DMD: variants seen among roughly 807,000 people sequenced by gnomAD.
DMD encodes the protein mutant dystrophin.
Under a neutral mutation model 330.1 loss-of-function variants are expected in DMD, and 63 were observed. The ratio of observed to expected loss-of-function variants is 0.19; its 90% CI spans 0.16 to 0.24. The LOEUF (loss-of-function observed/expected upper bound fraction) is 0.24, where lower values mean the gene tolerates loss of function less well. DMD is among the 10% of genes least tolerant of loss of function. The probability of loss-of-function intolerance (pLI) is 1.00; values close to 1 mark genes in which losing one functional copy is unlikely to be tolerated. For synonymous variants in DMD, 1,223 were observed against 959.8 expected, an observed-to-expected ratio of 1.27 and a Z score of -5.07; for missense variants, 3,344 against 2,684.1, an observed-to-expected ratio of 1.25 and a Z score of -5.43.
At chrX:31,959,891 T>C (rs1380327518) in intron 45 of DMD, among the ~76,000 whole-genome samples, 1 of 105,612 alleles carries the variant, frequency 9.5e-6, no homozygotes, top group Non-Finnish European at 1.9e-5. Context: ...CAGACTCCCA[T>C]GTAGCTGGGA....
At chrX:32,904,879 AAT>A (rs2086601614) in intron 2 of DMD, among the ~76,000 whole-genome samples, 1 of 112,060 alleles carries the variant, frequency 8.9e-6, no homozygotes, top group South Asian at 3.7e-4. Context: ...CTCAGCCCAT[AAT>A]GTTTTAATGG....
intron 44 of DMD, among the ~76,000 whole-genome samples, chrX:31,975,069 C>T (rs775898397): frequency 1.2e-4 from 13 of 110,137 alleles, no homozygotes; most frequent in African/African-American, 4.3e-4. Flanking sequence ...TCACGTGCTC[C>T]TCAATTTCAA....
chrX:32,456,021 G>C (rs1452464463), intron 25 of DMD, among the ~76,000 whole-genome samples: 1 of 110,893 alleles, frequency 9.0e-6, no homozygotes, highest in East Asian at 2.8e-4. Context: ...ACTTTAAAAA[G>C]TAACTCTATT....
chrX:32,382,408 C>T (rs1034511019), intron 33 of DMD, among the ~76,000 whole-genome samples: 3 of 110,813 alleles, frequency 2.7e-5, no homozygotes, highest in African/African-American at 9.8e-5. Flanking sequence ...AAATAAGAAT[C>T]TATCTATAAG....
intron 2 of DMD, among the ~76,000 whole-genome samples, chrX:32,908,850 T>A (rs2086951822): frequency 1.8e-5 from 2 of 111,528 alleles, no homozygotes; most frequent in South Asian, 7.4e-4. Flanking sequence ...TATGTGAACC[T>A]ATGCTGGTTA....
intron 19 of DMD, among the ~76,000 whole-genome samples, chrX:32,495,524 C>T (rs185381966): frequency 2.6e-4 from 29 of 111,662 alleles, no homozygotes; most frequent in African/African-American, 8.4e-4. Context: ...CCGACACTGT[C>T]ACATTACTTA....
At chrX:32,963,812 A>C (rs922334290) in intron 2 of DMD, among the ~76,000 whole-genome samples, 2 of 111,689 alleles carry the variant, frequency 1.8e-5, no homozygotes, top group African/African-American at 6.5e-5. Context: ...AATGTAAAGG[A>C]GGCTTCCATC....
intron 50 of DMD, among the ~76,000 whole-genome samples, chrX:31,776,081 G>C (rs1227064365): frequency 8.9e-6 from 1 of 111,864 alleles, no homozygotes; most frequent in Non-Finnish European, 1.9e-5. Flanking sequence ...CAGTCCAGGA[G>C]AAGAAATCAT....
At chrX:32,953,442 T>C (rs2146959683) in intron 2 of DMD, among the ~76,000 whole-genome samples, 1 of 112,125 alleles carries the variant, frequency 8.9e-6, no homozygotes, top group East Asian at 2.8e-4. Flanking sequence ...GAATGATTCT[T>C]TAAAAAAATG....
At chrX:32,430,285 T>C (rs1302147361) in intron 29 of DMD, among the ~76,000 whole-genome samples, 1 of 111,864 alleles carries the variant, frequency 8.9e-6, no homozygotes, top group Non-Finnish European at 1.9e-5. Context: ...AGATTGGATT[T>C]CTATTTATTT....
chrX:31,995,666 A>T (rs965483551), intron 44 of DMD, among the ~76,000 whole-genome samples: 1 of 111,752 alleles, frequency 8.9e-6, no homozygotes, highest in Admixed American at 9.5e-5. Flanking sequence ...GAGCAAATTA[A>T]CTTTCCCTCA....
At chrX:33,250,152 T>C (rs1289859226) in intron 1 of DMD, among the ~76,000 whole-genome samples, 1 of 102,595 alleles carries the variant, frequency 9.7e-6, no homozygotes, top group Non-Finnish European at 1.9e-5. Context: ...TGTATGTGTG[T>C]ATTAGAACAG....
chrX:32,409,565 G>C (rs983433728), intron 30 of DMD, among the ~76,000 whole-genome samples: 18 of 111,299 alleles, frequency 1.6e-4, no homozygotes, highest in Non-Finnish European at 2.5e-4. Flanking sequence ...CGCCCTAAAA[G>C]CTCCAATTTT....
At chrX:31,123,124 T>C (rs2033041956) in intron 78 of DMD, among the ~76,000 whole-genome samples, 2 of 111,579 alleles carry the variant, frequency 1.8e-5, no homozygotes, top group African/African-American at 6.5e-5. Context: ...AGTATTTTGT[T>C]TTAATATTTA....
chrX:32,478,213 G>C (rs757763555), intron 21 of DMD, among the ~76,000 whole-genome samples: 129 of 111,341 alleles, frequency 1.2e-3, no homozygotes, highest in Non-Finnish European at 2.0e-3. Flanking sequence ...TTGTGAATAT[G>C]AAATCGAGTC....
chrX:32,920,142 G>A, intron 2 of DMD, among the ~76,000 whole-genome samples: 1 of 110,755 alleles, frequency 9.0e-6, no homozygotes, highest in Non-Finnish European at 1.9e-5. Context: ...AATACGCCCA[G>A]GTGTCTCCTG....
intron 7 of DMD, among the ~76,000 whole-genome samples, chrX:32,803,970 C>T (rs371612461): frequency 1.4e-4 from 16 of 111,827 alleles, no homozygotes; most frequent in African/African-American, 4.6e-4. Context: ...TCTATTAGGT[C>T]TGCTTGGTCC....
chrX:31,510,004 GTTATC>G (rs2071332419), intron 55 of DMD, among the ~76,000 whole-genome samples: 1 of 112,236 alleles, frequency 8.9e-6, no homozygotes, highest in Non-Finnish European at 1.9e-5. Flanking sequence ...AATGGCTAAA[GTTATC>G]TTAGCATTGG....
chrX:31,855,166 G>A (rs936307561), intron 48 of DMD, among the ~76,000 whole-genome samples: 3 of 100,685 alleles, frequency 3.0e-5, no homozygotes, highest in Non-Finnish European at 6.1e-5. Flanking sequence ...CTTTTATCAC[G>A]CTATGTCTCT....
Sources: allele counts gnomAD v4.1 joint callset (sites outside exome capture counted in the v4.1 genomes callset), GRCh38; gene constraint gnomAD v4.1.1; transcripts MANE v1.5; gene names NCBI Gene and HGNC (gene_info 2026-07-23, HGNC 2026-07-21).